KHDRBS2: variants seen among roughly 807,000 people sequenced by gnomAD.
KHDRBS2 encodes the protein KH RNA binding domain containing, signal transduction associated 2, also known as KH domain-containing, RNA-binding, signal transduction-associated protein 2.
A neutral mutation model predicts 44.3 loss-of-function variants in KHDRBS2; 26 were observed. The ratio of observed to expected loss-of-function variants is 0.59; its 90% CI spans 0.43 to 0.81. KHDRBS2 has a LOEUF of 0.81. KHDRBS2 is among the 40% of genes least tolerant of loss of function. The probability of loss-of-function intolerance (pLI) is 0.00; values close to 1 mark genes in which losing one functional copy is unlikely to be tolerated. For missense variants in KHDRBS2, 476 were observed against 433.1 expected, an observed-to-expected ratio of 1.10 and a Z score of -0.88; for synonymous variants, 194 against 151.1, an observed-to-expected ratio of 1.28 and a Z score of -2.08.
intron 2 of KHDRBS2, among the ~76,000 whole-genome samples, chr6:62,106,212 T>C (rs1428477250): frequency 1.3e-5 from 2 of 152,150 alleles, no homozygotes; most frequent in Non-Finnish European, 1.5e-5. Context: ...GTGGTCAATT[T>C]TGGAATAGGT....
chr6:62,201,854 C>G (rs1303577324), intron 1 of KHDRBS2, among the ~76,000 whole-genome samples: 2 of 151,820 alleles, frequency 1.3e-5, no homozygotes, highest in Non-Finnish European at 2.9e-5. Context: ...AATGTTTACA[C>G]AATTCAAAGT....
chr6:62,219,503 C>T (rs551124), intron 1 of KHDRBS2, among the ~76,000 whole-genome samples: 27,725 of 151,026 alleles, frequency 0.18, 2,894 homozygotes, highest in African/African-American at 0.3. Flanking sequence ...CATGAAATAG[C>T]GAAAAATAAA....
intron 1 of KHDRBS2, among the ~76,000 whole-genome samples, chr6:62,181,842 A>G (rs1563016371): frequency 6.6e-6 from 1 of 151,912 alleles, no homozygotes; most frequent in Non-Finnish European, 1.5e-5. Context: ...CCCCAACACA[A>G]CTTCCACCAT....
At chr6:62,220,640 A>G (rs1024607731) in intron 1 of KHDRBS2, among the ~76,000 whole-genome samples, 2 of 151,854 alleles carry the variant, frequency 1.3e-5, no homozygotes, top group Non-Finnish European at 3.0e-5. Context: ...ATCATTCAAC[A>G]TTAGAAATTA....
the KHDRBS2 span, among the ~76,000 whole-genome samples, chr6:61,542,890 A>T: frequency 6.6e-6 from 1 of 151,994 alleles, no homozygotes; most frequent in Admixed American, 6.6e-5. Flanking sequence ...AAACAAGATA[A>T]AAAGAAGATA....
At chr6:61,794,473 G>A (rs1785041706) in intron 6 of KHDRBS2, among the ~76,000 whole-genome samples, 1 of 152,146 alleles carries the variant, frequency 6.6e-6, no homozygotes, top group Non-Finnish European at 1.5e-5. Flanking sequence ...CGTTTTAGTG[G>A]TGGACAATTT....
chr6:62,035,646 T>G (rs1366449241), intron 3 of KHDRBS2, among the ~76,000 whole-genome samples: 3 of 152,074 alleles, frequency 2.0e-5, no homozygotes, highest in Admixed American at 2.0e-4. Context: ...TAAAAGAGTA[T>G]TATTGGATTG....
chr6:61,568,293 T>C, the KHDRBS2 span, among the ~76,000 whole-genome samples: 1 of 152,202 alleles, frequency 6.6e-6, no homozygotes, highest in African/African-American at 2.4e-5. Context: ...CACTTCATTC[T>C]TTTTGTTTAA....
chr6:61,678,482 AG>A (rs1766069420), downstream of KHDRBS2, among the ~76,000 whole-genome samples: 1 of 151,978 alleles, frequency 6.6e-6, no homozygotes, highest in African/African-American at 2.4e-5. Context: ...GGGATAGGTA[AG>A]GAGTTGGTCA....
chr6:61,670,502 GAC>G, the KHDRBS2 span, among the ~76,000 whole-genome samples: 1 of 151,422 alleles, frequency 6.6e-6, no homozygotes, highest in Admixed American at 6.6e-5. Flanking sequence ...AAAGTTAAAA[GAC>G]ACAGTTTAAA....
intron 1 of KHDRBS2, among the ~76,000 whole-genome samples, chr6:62,215,926 A>G (rs1298431927): frequency 2.6e-5 from 4 of 151,844 alleles, no homozygotes; most frequent in African/African-American, 7.2e-5. Flanking sequence ...ATGATACTCT[A>G]TGATTGTTTA....
chr6:61,976,243 A>C (rs767510279), intron 4 of KHDRBS2, among the ~76,000 whole-genome samples: 1 of 152,130 alleles, frequency 6.6e-6, no homozygotes, highest in Non-Finnish European at 1.5e-5. Context: ...TATCAAGTAA[A>C]TATTTATTGT....
At chr6:62,282,611 C>T (rs867490366) in intron 1 of KHDRBS2, among the ~76,000 whole-genome samples, 1 of 152,014 alleles carries the variant, frequency 6.6e-6, no homozygotes, top group Non-Finnish European at 1.5e-5. Flanking sequence ...TGGCCTCAAA[C>T]ATTAATAGTA....
At position 61,701,547 on chromosome 6, in the gene KHDRBS2, G is replaced by A. The variant is rs180980461; in HGVS notation, c.894-4294C>T. Among the ~76,000 whole-genome samples the A allele has an allele frequency of 2.4e-3, 362 of 152,018 alleles. 1 individual carries two copies. Among genetic ancestry groups the A allele is most frequent in the African/African-American group, 8.0e-3 (332 of 41,506 alleles). On this transcript the variant is annotated intron_variant, in intron 7 of 8. Coordinates refer to ENST00000281156, the MANE Select transcript of KHDRBS2 (RefSeq NM_152688.4). ...GCAAAAATTGTAAAGTTCCCAAGGA[G>A]GGCATACTCTACTTTACTGGATTAA...
At chr6:62,054,395 T>C (rs774955558) in intron 2 of KHDRBS2, among the ~76,000 whole-genome samples, 1 of 152,068 alleles carries the variant, frequency 6.6e-6, no homozygotes, top group Non-Finnish European at 1.5e-5. Flanking sequence ...AAATGACATT[T>C]GACAGAGGTA....
At chr6:61,901,453 AAAACG>A in intron 4 of KHDRBS2, 82 bp from the exon 5 acceptor site, 1 of 392,638 alleles carries the variant, frequency 2.5e-6, no homozygotes, top group Non-Finnish European at 3.8e-6. Flanking sequence ...GAAACAAAAC[AAAACG>A]CAATAGGAAA....
At chr6:61,836,759 A>C (rs532826299) in intron 6 of KHDRBS2, among the ~76,000 whole-genome samples, 2 of 152,202 alleles carry the variant, frequency 1.3e-5, no homozygotes, top group East Asian at 3.9e-4. Flanking sequence ...GTAGAAATAT[A>C]CACACATACA....
the KHDRBS2 span, among the ~76,000 whole-genome samples, chr6:61,592,764 G>T: frequency 1.3e-5 from 2 of 152,082 alleles, no homozygotes; most frequent in Admixed American, 1.3e-4. Context: ...AGAGAGAATT[G>T]GCTTAGAGAT....
intron 8 of KHDRBS2, 122 bp downstream of exon 8, chr6:61,697,073 C>T (rs1767986073): frequency 1.4e-6 from 1 of 734,420 alleles, no homozygotes; most frequent in Non-Finnish European, 2.4e-6. Flanking sequence ...CCTGGAATTA[C>T]ATGAATCAAT....
Sources: gnomAD v4.1 joint callset for allele counts (sites outside exome capture counted in the v4.1 genomes callset) on GRCh38, gnomAD v4.1.1 for gene constraint, MANE v1.5 for transcripts, NCBI Gene and HGNC (gene_info 2026-07-23, HGNC 2026-07-21) for gene names.